The following PRKAR2A variants were observed in gnomAD, a reference collection of about 807,000 sequenced individuals.
PRKAR2A encodes the protein cAMP-dependent protein kinase type II-alpha regulatory subunit.
Under a neutral mutation model 51.9 loss-of-function variants are expected in PRKAR2A, and 29 were observed. The observed-to-expected ratio is 0.56, with a 90% CI of 0.42 to 0.76. PRKAR2A has a LOEUF of 0.76. PRKAR2A is among the 30% of genes least tolerant of loss of function. PRKAR2A has a pLI of 0.00. For missense variants in PRKAR2A, 445 were observed against 512.1 expected (o/e 0.87, Z 1.26); for synonymous variants, 178 against 186.2 (o/e 0.96, Z 0.36).
intron 2 of PRKAR2A, among the ~76,000 whole-genome samples, chr3:48,797,201 T>TAAG (rs887713295): frequency 1.3e-5 from 2 of 152,092 alleles, no homozygotes; most frequent in African/African-American, 4.8e-5. Flanking sequence ...AGAGTCTCGC[T>TAAG]GTCTTGCCCA....
intron 9 of PRKAR2A, among the ~76,000 whole-genome samples, chr3:48,755,937 C>A (rs2081755948): frequency 1.3e-5 from 2 of 152,038 alleles, no homozygotes; most frequent in South Asian, 4.1e-4. Context: ...CGCCACCATG[C>A]CTGGCTAATT....
At chr3:48,744,780 T>C (rs1385658491), downstream of PRKAR2A, 1 of 152,160 alleles carries the variant, frequency 6.6e-6, no homozygotes, top group Non-Finnish European at 1.5e-5. Context: ...GAAAAGAAAT[T>C]GTAGGTACAG....
At chr3:48,773,908 C>A (rs2082067536) in intron 5 of PRKAR2A, among the ~76,000 whole-genome samples, 1 of 151,766 alleles carries the variant, frequency 6.6e-6, no homozygotes, top group Admixed American at 6.6e-5. Context: ...ACCTCCTGGC[C>A]CCAAGCAATC....
chr3:48,777,095 C>A (rs779612211), intron 5 of PRKAR2A, among the ~76,000 whole-genome samples: 4 of 152,074 alleles, frequency 2.6e-5, no homozygotes, highest in Admixed American at 6.6e-5. Flanking sequence ...AACACAAATG[C>A]CAGCCCCTGT....
chr3:48,777,555 G>A (rs1365431180), intron 5 of PRKAR2A, among the ~76,000 whole-genome samples: 2 of 151,936 alleles, frequency 1.3e-5, no homozygotes, highest in East Asian at 1.9e-4. Context: ...ACAGGCACCC[G>A]CCACCACGCC....
chr3:48,800,712 G>C (rs907169494), intron 2 of PRKAR2A, among the ~76,000 whole-genome samples: 11 of 151,452 alleles, frequency 7.3e-5, no homozygotes, highest in African/African-American at 1.2e-4. Flanking sequence ...GCTCTGTCGC[G>C]CAGGCTGGAG....
At chr3:48,835,779 T>C (rs2083274178) in intron 1 of PRKAR2A, among the ~76,000 whole-genome samples, 1 of 149,060 alleles carries the variant, frequency 6.7e-6, no homozygotes, top group Admixed American at 6.7e-5. Flanking sequence ...AGAGCAAGAC[T>C]CAGTCTCAAA....
rs199867642 is a variant in PRKAR2A, at chr3:48,794,026, C to T, written c.322G>A (p.Asp108Asn). ...VSVCAETYNP[D>N]EEEEDTDPRV... is the part of the protein sequence containing the mutation. ...GGATCTGTATCTTCCTCTTCCTCATCAGGGTTATAGGTCTCAGCACAGACT... is the reference window on the plus strand; with the variant it reads ...GGATCTGTATCTTCCTCTTCCTCATTAGGGTTATAGGTCTCAGCACAGACT... Residue 108 changes from aspartate (D) to asparagine (N), a missense_variant, in exon 3 of 11, where the codon GAT becomes AAT. Transcript: ENST00000265563. The T allele has an allele frequency of 1.4e-5, 23 of 1,605,940 alleles. No individual in the cohort carries two copies. In the Admixed American group the frequency reaches 3.0e-4, roughly 21 times the overall value.
At chr3:48,788,546 A>C (rs1559621120) in intron 4 of PRKAR2A, among the ~76,000 whole-genome samples, 1 of 152,212 alleles carries the variant, frequency 6.6e-6, no homozygotes, top group Non-Finnish European at 1.5e-5. Context: ...GGAAATCTGA[A>C]GATTCTCTGT....
At chr3:48,785,806 T>C (rs1157441166) in intron 4 of PRKAR2A, among the ~76,000 whole-genome samples, 1 of 152,208 alleles carries the variant, frequency 6.6e-6, no homozygotes, top group Non-Finnish European at 1.5e-5. Flanking sequence ...ATACTCCTCT[T>C]TTCTTTTTCT....
intron 5 of PRKAR2A, among the ~76,000 whole-genome samples, chr3:48,776,307 A>G (rs1184196212): frequency 6.6e-6 from 1 of 152,172 alleles, no homozygotes; most frequent in Non-Finnish European, 1.5e-5. Context: ...ACCCTTTGAT[A>G]TAGCAATTCC....
chr3:48,830,481 TTAAA>T (rs2083170975), intron 1 of PRKAR2A, among the ~76,000 whole-genome samples: 1 of 152,186 alleles, frequency 6.6e-6, no homozygotes, highest in Non-Finnish European at 1.5e-5. Flanking sequence ...GTATACACTC[TTAAA>T]TAATGATTAA....
intron 9 of PRKAR2A, among the ~76,000 whole-genome samples, chr3:48,753,657 CGTATTA>C (rs2107193944): frequency 6.6e-6 from 1 of 152,206 alleles, no homozygotes; most frequent in South Asian, 2.1e-4. Flanking sequence ...CACCAGCTCC[CGTATTA>C]CGCAGGTTTT....
intron 1 of PRKAR2A, among the ~76,000 whole-genome samples, chr3:48,823,913 T>C (rs2083013365): frequency 6.6e-6 from 1 of 151,434 alleles, no homozygotes; most frequent in African/African-American, 2.4e-5. Context: ...AAAGACAGGA[T>C]AATATGAACA....
intron 1 of PRKAR2A, among the ~76,000 whole-genome samples, chr3:48,843,066 C>T (rs1293118479): frequency 6.6e-6 from 1 of 152,156 alleles, no homozygotes; most frequent in Non-Finnish European, 1.5e-5. Flanking sequence ...GGTTGGTAAG[C>T]TGTTGATTAT....
At chr3:48,829,869 A>ATTT (rs1262187406) in intron 1 of PRKAR2A, among the ~76,000 whole-genome samples, 1 of 76,850 alleles carries the variant, frequency 1.3e-5, no homozygotes, top group African/African-American at 6.2e-5. Flanking sequence ...ATATATATAT[A>ATTT]TATTTTTTTT....
chr3:48,804,118 G>T (rs530617767), intron 2 of PRKAR2A, among the ~76,000 whole-genome samples: 3 of 152,112 alleles, frequency 2.0e-5, no homozygotes, highest in African/African-American at 7.2e-5. Flanking sequence ...GTACAGGCAC[G>T]AAGTGGAGAA....
chr3:48,808,277 G>A (rs1330262344), intron 1 of PRKAR2A, among the ~76,000 whole-genome samples: 5 of 151,620 alleles, frequency 3.3e-5, no homozygotes, highest in African/African-American at 1.2e-4. Flanking sequence ...GTTTTGAGAC[G>A]GAGTCTCGCT....
rs1365710372 is a variant in PRKAR2A at position 48,833,065 on chromosome 3, TA to T, written c.262+14269del. Reference sequence around the variant, plus strand: ...TGCTTGTAGGTTATTGAAAATGAATTAGCAAAGCTCACTTTTTGTATTAACA... The same window carrying T: ...TGCTTGTAGGTTATTGAAAATGAATTGCAAAGCTCACTTTTTGTATTAACA... On this transcript the variant is annotated intron_variant, in intron 1 of 10. Transcript: ENST00000265563. Among the ~76,000 whole-genome samples the T allele has an allele frequency of 2.0e-5, 3 of 152,330 alleles. No individual in the cohort carries two copies. The South Asian group carries it at 6.2e-4, about 32-fold the overall frequency.
Sources: allele counts gnomAD v4.1 joint callset (sites outside exome capture counted in the v4.1 genomes callset), GRCh38; gene constraint gnomAD v4.1.1; transcripts MANE v1.5; gene names NCBI Gene and HGNC (gene_info 2026-07-23, HGNC 2026-07-21).